The following SEC24D variants were observed in gnomAD, a reference collection of about 807,000 sequenced individuals.
SEC24D encodes the protein SEC24 homolog D, COPII component.
In SEC24D, 69 loss-of-function variants were observed where a neutral mutation model predicts 116.9. The ratio of observed to expected loss-of-function variants is 0.59; its 90% CI spans 0.49 to 0.72. The LOEUF is 0.72. Among genes scored for constraint, SEC24D ranks in the 30% least tolerant of loss-of-function variants. The pLI is 0.00. For synonymous variants in SEC24D, 405 were observed against 442.8 expected (o/e 0.91, Z 1.07); for missense variants, 1,131 against 1,264.1 (o/e 0.89, Z 1.60).
rs528480626 is a variant in SEC24D at position 118,784,616 on chromosome 4, A to G, written c.1041+13067T>C. 3.1e-4 allele frequency among the ~76,000 whole-genome samples: 47 copies of G among 152,250 alleles called. 2 individuals are homozygous for G. In the South Asian group the frequency reaches 9.5e-3, roughly 31 times the overall value. ...ATTATGGCTCTTCTATTTTACCTGCATTTTACAGAAATATTTTTCAAGAAA... is the reference window on the plus strand; with the variant it reads ...ATTATGGCTCTTCTATTTTACCTGCGTTTTACAGAAATATTTTTCAAGAAA... On this transcript the variant is annotated intron_variant, in intron 8 of 22. Coordinates refer to ENST00000280551, the MANE Select transcript of SEC24D (RefSeq NM_014822.4).
chr4:118,734,251 T>C (rs1456631329), intron 19 of SEC24D, among the ~76,000 whole-genome samples: 1 of 151,876 alleles, frequency 6.6e-6, no homozygotes, highest in Non-Finnish European at 1.5e-5. Context: ...TCTCACTCTG[T>C]TGCCCAGGCT....
chr4:118,776,967 T>C (rs1212480980), intron 8 of SEC24D, among the ~76,000 whole-genome samples: 2 of 152,110 alleles, frequency 1.3e-5, no homozygotes, highest in African/African-American at 4.8e-5. Flanking sequence ...TTAAAAATAA[T>C]AAGCCCAGAG....
chr4:118,779,403 A>G (rs189300984), intron 8 of SEC24D, among the ~76,000 whole-genome samples: 55 of 152,284 alleles, frequency 3.6e-4, no homozygotes, highest in African/African-American at 1.3e-3. Flanking sequence ...GATGGATTAC[A>G]TTTACTGATT....
chr4:118,729,288 G>T (rs1482047593), intron 21 of SEC24D: 1 of 151,972 alleles, frequency 6.6e-6, no homozygotes, highest in African/African-American at 2.4e-5. Flanking sequence ...TAAAATATAT[G>T]GGGGTATATG....
At chr4:118,799,308 A>T (rs1468467904) in intron 7 of SEC24D, among the ~76,000 whole-genome samples, 1 of 152,222 alleles carries the variant, frequency 6.6e-6, no homozygotes, top group Admixed American at 6.5e-5. Context: ...CCACCAACTG[A>T]CAAAGTAAAG....
At position 118,815,419 on chromosome 4, in the gene SEC24D, C is replaced by T. The variant is rs749310404; in HGVS notation, c.673+32G>A. 6.2e-6 allele frequency: 10 copies of T among 1,609,992 alleles called. No homozygotes were observed. The Admixed American group carries it at 1.5e-4, about 24-fold the overall frequency. ...CAGTTAAGGGTTCCCCTGGGTAACA[C>T]AAAGCCTTCCCCTGCACCCTGTCCG... On this transcript the variant is annotated intron_variant, in intron 5 of 22. Coordinates refer to ENST00000280551, the MANE Select transcript of SEC24D (RefSeq NM_014822.4).
At position 118,824,155 on chromosome 4, in the gene SEC24D, G is replaced by GT. The variant is rs540081521; in HGVS notation, c.248+464dup. Among the ~76,000 whole-genome samples the GT allele has an allele frequency of 3.2e-3, 479 of 150,732 alleles. 2 individuals are homozygous for GT. The highest frequency in any genetic ancestry group is 0.011 in the African/African-American group (448 of 41,090). On this transcript the variant is annotated intron_variant, in intron 3 of 22. Transcript: ENST00000280551. Reference sequence around the variant, plus strand: ...TGTCTTTTTCTTCATAACTTTTCTTGTTTTTTTTTGAGACAGGGTCTCACT... The same window carrying GT: ...TGTCTTTTTCTTCATAACTTTTCTTGTTTTTTTTTTGAGACAGGGTCTCACT...
chr4:118,732,894 T>A lies in SEC24D; in HGVS notation c.2515A>T (p.Met839Leu), dbSNP rs1725765985. Reference protein sequence around the residue: ...AASQLILPDSMKVLPVYMNCL... With the variant: ...AASQLILPDSLKVLPVYMNCL... ...TTCATGTACACTGGCAATACTTTCA[T>A]GGAATCTGGTAGAATAAGCTGAAAA... Residue 839 changes from methionine (M) to leucine (L), a missense_variant, in exon 20 of 23, where the codon ATG becomes TTG. By Grantham distance (15) the Met-to-Leu change is conservative. Coordinates refer to ENST00000280551, the MANE Select transcript of SEC24D (RefSeq NM_014822.4). 6.2e-7 allele frequency: 1 copy of A among 1,613,698 alleles called. No individual in the cohort carries two copies. The highest frequency in any genetic ancestry group is 1.1e-5 in the South Asian group (1 of 90,956).
At chr4:118,785,167 A>G (rs1167425827) in intron 8 of SEC24D, among the ~76,000 whole-genome samples, 2 of 152,202 alleles carry the variant, frequency 1.3e-5, no homozygotes, top group African/African-American at 4.8e-5. Flanking sequence ...AGTATCAAAT[A>G]TGGCATTTGA....
At chr4:118,785,103 T>A (rs1728612583) in intron 8 of SEC24D, among the ~76,000 whole-genome samples, 1 of 152,144 alleles carries the variant, frequency 6.6e-6, no homozygotes, top group Non-Finnish European at 1.5e-5. Context: ...GATCCTCGCC[T>A]TAGTTTGGCA....
In SEC24D at chr4:118,828,269, C is replaced by T. The variant is rs181312577; in HGVS notation, c.119-3520G>A. ...GACCACAGGCGCCTGCCACTACGCC[C>T]GGCTAATTTATTTGCGTTTTTAGTA... On this transcript the variant is annotated intron_variant, in intron 2 of 22. Transcript: ENST00000280551. 2.7e-3 allele frequency among the ~76,000 whole-genome samples: 408 copies of T among 152,206 alleles called. 7 individuals carry two copies. The highest frequency in any genetic ancestry group is 0.024 in the Admixed American group (372 of 15,284).
intron 12 of SEC24D, among the ~76,000 whole-genome samples, chr4:118,752,463 G>A (rs1171888183): frequency 6.6e-6 from 1 of 152,064 alleles, no homozygotes; most frequent in Admixed American, 6.6e-5. Context: ...AGAACCAATA[G>A]GGCTGAATGT....
At position 118,757,855 on chromosome 4, in the gene SEC24D, A is replaced by G. The variant is rs200249876; in HGVS notation, c.1297-10T>C. On this transcript the variant is annotated splice_polypyrimidine_tract_variant and intron_variant, in intron 10 of 22. Coordinates refer to ENST00000280551, the MANE Select transcript of SEC24D (RefSeq NM_014822.4). ...TGGGAGGCTTACTCTTCTATAGGAA[A>G]GCAAACACATCACATAAATAAAGTA... 8.2e-6 allele frequency: 13 copies of G among 1,592,866 alleles called. No homozygotes were observed. In the African/African-American group the frequency reaches 1.5e-4, roughly 18 times the overall value.
chr4:118,774,770 A>C (rs1728057914), intron 8 of SEC24D, among the ~76,000 whole-genome samples: 1 of 152,050 alleles, frequency 6.6e-6, no homozygotes, highest in Non-Finnish European at 1.5e-5. Flanking sequence ...GAGCTGCCAT[A>C]TACCTTTGCA....
chr4:118,809,595 T>C (rs1407607537), intron 6 of SEC24D, among the ~76,000 whole-genome samples: 1 of 152,212 alleles, frequency 6.6e-6, no homozygotes, highest in Non-Finnish European at 1.5e-5. Flanking sequence ...TTTGTCTGTA[T>C]GTATTATAAG....
chr4:118,775,427 G>A (rs1038500141), intron 8 of SEC24D, among the ~76,000 whole-genome samples: 3 of 151,912 alleles, frequency 2.0e-5, no homozygotes, highest in Non-Finnish European at 4.4e-5. Flanking sequence ...CACTTATGAG[G>A]AGCTATTTGT....
Position 118,832,286 on chromosome 4 carries a change from T to C in SEC24D, c.118+1293A>G, listed in dbSNP as rs138876787. ...CATTGAAACCAAAGGAGAAAAGAGT[T>C]TTGTAAAAATGAGAGTGGTAAACAG... On this transcript the variant is annotated intron_variant, in intron 2 of 22. Coordinates refer to ENST00000280551, the MANE Select transcript of SEC24D (RefSeq NM_014822.4). 3.8e-3 allele frequency among the ~76,000 whole-genome samples: 572 copies of C among 152,108 alleles called. 4 individuals are homozygous for C. The highest frequency in any genetic ancestry group is 0.013 in the African/African-American group (536 of 41,482).
intron 8 of SEC24D, among the ~76,000 whole-genome samples, chr4:118,779,273 T>C (rs1359897730): frequency 6.6e-6 from 1 of 152,222 alleles, no homozygotes; most frequent in Admixed American, 6.5e-5. Flanking sequence ...TTGAGATATG[T>C]TCCATCAATA....
chr4:118,828,596 T>C (rs768500770), intron 2 of SEC24D, among the ~76,000 whole-genome samples: 61 of 152,208 alleles, frequency 4.0e-4, no homozygotes, highest in Admixed American at 1.4e-3. Flanking sequence ...TATCCCACAA[T>C]GCACAGGATG....
Sources: allele counts gnomAD v4.1 joint callset (sites outside exome capture counted in the v4.1 genomes callset), GRCh38; gene constraint gnomAD v4.1.1; transcripts MANE v1.5; gene names NCBI Gene and HGNC (gene_info 2026-07-23, HGNC 2026-07-21).